Variants in STXBP3 observed in about 807,000 individuals in gnomAD.
STXBP3 encodes the protein syntaxin-binding protein 3.
Under a neutral mutation model 85.7 loss-of-function variants are expected in STXBP3, and 41 were observed. The ratio of observed to expected loss-of-function variants is 0.48; its 90% CI spans 0.37 to 0.62. The LOEUF (loss-of-function observed/expected upper bound fraction) is 0.62. Ranked by LOEUF, STXBP3 falls within the 20% of genes least tolerant of loss-of-function variation. STXBP3 has a pLI of 0.00. For missense variants in STXBP3, 563 were observed against 703.1 expected (o/e 0.80, Z 2.25); for synonymous variants, 229 against 231.7 (o/e 0.99, Z 0.10).
In STXBP3 at chr1:108,771,654, CTA is replaced by C. The variant is rs1222538258; in HGVS notation, c.439-1003_439-1002del. On this transcript the variant is annotated intron_variant, in intron 6 of 18. Coordinates refer to ENST00000370008, the MANE Select transcript of STXBP3 (RefSeq NM_007269.4). ...ATATATAAATATATATGATATATAT[CTA>C]TATATATCATATATAAATATATATG... 6.8e-3 allele frequency among the ~76,000 whole-genome samples: 29 copies of C among 4,266 alleles called. 6 individuals carry two copies. Among genetic ancestry groups the C allele is most frequent in the African/African-American group, 0.02 (20 of 982 alleles). 2.8% of individuals were successfully genotyped at this position (4,266 alleles called of 152,430 possible). A position where few individuals can be genotyped will look rare whatever the true frequency, so the allele number is the denominator to read the frequency against.
At chr1:108,772,492 G>GATAT (rs1662486859) in intron 6 of STXBP3, among the ~76,000 whole-genome samples, 173 bp from the exon 7 acceptor site, 3 of 142,490 alleles carry the variant, frequency 2.1e-5, no homozygotes, top group African/African-American at 7.8e-5. Context: ...ATAAATACAT[G>GATAT]ATATCTATCT....
chr1:108,756,389 G>A (rs1292030304), intron 3 of STXBP3, among the ~76,000 whole-genome samples: 2 of 151,786 alleles, frequency 1.3e-5, no homozygotes, highest in East Asian at 1.9e-4. Context: ...TACTTGCAAG[G>A]TTATTATGAA....
chr1:108,752,208 A>G (rs370711814), intron 1 of STXBP3, 49 bp from the exon 2 acceptor site: 3 of 1,552,982 alleles, frequency 1.9e-6, no homozygotes, highest in Admixed American at 3.6e-5. Flanking sequence ...TTGGATTACT[A>G]TGTTTCTGTT....
intron 7 of STXBP3, among the ~76,000 whole-genome samples, chr1:108,773,573 C>T (rs1400765989): frequency 1.3e-5 from 2 of 152,098 alleles, no homozygotes; most frequent in South Asian, 2.1e-4. Flanking sequence ...AGTTCAGGCT[C>T]ATTAGAAGGA....
At chr1:108,748,839 AAAAC>A (rs1189576427) in intron 1 of STXBP3, among the ~76,000 whole-genome samples, 3 of 152,200 alleles carry the variant, frequency 2.0e-5, no homozygotes, top group Non-Finnish European at 4.4e-5. Flanking sequence ...TCAAAAAACA[AAAAC>A]AAAAATTATT....
chr1:108,809,518 A>T lies in STXBP3; in HGVS notation c.*641A>T, dbSNP rs1182028592. The T allele has an allele frequency of 6.6e-6, 1 of 152,224 alleles. No homozygotes were observed. Among genetic ancestry groups the T allele is most frequent in the Admixed American group, 6.5e-5 (1 of 15,286 alleles). 9.4% of individuals were successfully genotyped at this position (152,224 alleles called of 1,614,324 possible). A position where few individuals can be genotyped will look rare whatever the true frequency, so the allele number is the denominator to read the frequency against. On this transcript the variant is annotated 3_prime_UTR_variant, in exon 19 of 19. Coordinates refer to ENST00000370008, the MANE Select transcript of STXBP3 (RefSeq NM_007269.4). The stretch of plus-strand genomic sequence containing the variant: ...CTAAGAGAAAATAAATATAGAATTT[A>T]AAAAATTATTCTGGTTTGTGTTTTC...
At position 108,782,292 on chromosome 1, in the gene STXBP3, C is replaced by A. The variant is rs146292268; in HGVS notation, c.810-130C>A. 4.5e-5 allele frequency: 29 copies of A among 644,870 alleles called. 1 individual carries two copies. In the East Asian group the frequency reaches 7.5e-4, roughly 17 times the overall value. The allele number at this position is 644,870 out of a possible 1,614,324, so 39.9% of individuals were successfully genotyped here. ...TTAGTTTTGAGTAGGTATTCATTAC[C>A]CCCCTAAAATAGTGGATTTTACTTT... is the stretch of plus-strand genomic sequence containing the variant. On this transcript the variant is annotated intron_variant, in intron 9 of 18. Coordinates refer to ENST00000370008, the MANE Select transcript of STXBP3 (RefSeq NM_007269.4).
intron 13 of STXBP3, 37 bp downstream of exon 13, chr1:108,794,944 A>C: frequency 6.5e-7 from 1 of 1,540,664 alleles, no homozygotes; most frequent in Non-Finnish European, 8.8e-7. Flanking sequence ...GTTCATAACA[A>C]ATTTCAAGGA....
At chr1:108,804,144 A>T (rs901026215) in intron 17 of STXBP3, among the ~76,000 whole-genome samples, 1 of 151,144 alleles carries the variant, frequency 6.6e-6, no homozygotes, top group South Asian at 2.1e-4. Context: ...CCACTTCTGT[A>T]GTCTTGGTTT....
Position 108,795,993 on chromosome 1 carries a change from G to T in STXBP3, c.1111-241G>T, listed in dbSNP as rs12079810. Among the ~76,000 whole-genome samples the T allele has an allele frequency of 2.4e-3, 359 of 152,248 alleles. 1 individual carries two copies. The highest frequency in any genetic ancestry group is 8.0e-3 in the African/African-American group (331 of 41,546). On this transcript the variant is annotated intron_variant, in intron 13 of 18. Transcript: ENST00000370008. ...TGAGTCTCCTGCCTCAGCCTCCCGA[G>T]TAGCTGGGATTATAGGCACCTGCCA...
chr1:108,770,568 G>C (rs1662369845), intron 6 of STXBP3, among the ~76,000 whole-genome samples: 2 of 152,128 alleles, frequency 1.3e-5, no homozygotes, highest in African/African-American at 4.8e-5. Context: ...TGCTGTTGGT[G>C]CTGGGTTATG....
At chr1:108,798,906 A>G (rs956875687) in intron 16 of STXBP3, among the ~76,000 whole-genome samples, 2 of 152,268 alleles carry the variant, frequency 1.3e-5, no homozygotes, top group African/African-American at 4.8e-5. Context: ...AAAGTATTAG[A>G]TGCCAATATT....
Position 108,809,193 on chromosome 1 carries a change from T to A in STXBP3, c.*316T>A. 5.6e-6 allele frequency: 1 copy of A among 177,186 alleles called. No homozygotes were observed. Among genetic ancestry groups the A allele is most frequent in the Non-Finnish European group, 1.2e-5 (1 of 85,274 alleles). 11.0% of individuals were successfully genotyped at this position (177,186 alleles called of 1,614,324 possible). A position where few individuals can be genotyped will look rare whatever the true frequency, so the allele number is the denominator to read the frequency against. ...CACCTATGTACATACTAATTACCCA[T>A]TGGATACTTATATCTAAAAGTCTCA... On this transcript the variant is annotated 3_prime_UTR_variant, in exon 19 of 19. Coordinates refer to ENST00000370008, the MANE Select transcript of STXBP3 (RefSeq NM_007269.4).
At chr1:108,763,714 T>C (rs6604122) in intron 6 of STXBP3, among the ~76,000 whole-genome samples, 106,783 of 151,546 alleles carry the variant, frequency 0.7, 38,618 homozygotes, top group Non-Finnish European at 0.77. Context: ...TAGCTGGGAT[T>C]ACAGGCATGT....
intron 7 of STXBP3, 26 bp downstream of exon 7, chr1:108,772,845 T>C (rs748300407): frequency 2.6e-6 from 4 of 1,543,516 alleles, no homozygotes; most frequent in South Asian, 1.2e-5. Flanking sequence ...TCTGCACATG[T>C]TATGCTTCCT....
chr1:108,798,153 A>C lies in STXBP3; in HGVS notation c.1365A>C (p.Gln455His), dbSNP rs1383291512. ...LGVPIVPQSQ[Q>H]GKPLRKDRSA... is the part of the protein sequence containing the mutation. Reference sequence around the variant, plus strand: ...TCCTCTAATTGTATTAGTCTCAACAAGGCAAACCGTTAAGAAAGGATCGGT... The same window carrying C: ...TCCTCTAATTGTATTAGTCTCAACACGGCAAACCGTTAAGAAAGGATCGGT... The change falls in exon 16 of 19, where the codon CAA becomes CAC. Residue 455 changes from glutamine to histidine, a missense_variant. By Grantham distance (24) the Gln-to-His change is conservative. Transcript: ENST00000370008. 1 of 1,609,424 alleles carries C rather than the reference A, an allele frequency of 6.2e-7. No individual in the cohort carries two copies. Among genetic ancestry groups the C allele is most frequent in the Non-Finnish European group, 8.5e-7 (1 of 1,178,430 alleles).
At chr1:108,762,522 A>AAAC (rs58199647) in intron 6 of STXBP3, among the ~76,000 whole-genome samples, 116,879 of 151,582 alleles carry the variant, frequency 0.77, 46,545 homozygotes, top group African/African-American at 0.9. Context: ...TGTTATTTTA[A>AAAC]AACATTATAA....
rs185713197 is a variant in STXBP3, at chr1:108,798,452, A to G, written c.1449+215A>G. On this transcript the variant is annotated intron_variant, in intron 16 of 18. Transcript: ENST00000370008. ...TCTTTTTGAGACAGAGTGTCACTCT[A>G]TCACCCAGGCTGGAGTGCAGTGGCA... Among the ~76,000 whole-genome samples the G allele has an allele frequency of 3.5e-3, 440 of 127,040 alleles. 1 individual carries two copies. Among genetic ancestry groups the G allele is most frequent in the African/African-American group, 0.013 (430 of 33,116 alleles). The allele number at this position is 127,040 out of a possible 152,430, so 83.3% of individuals were successfully genotyped here.
At chr1:108,754,354 T>C (rs1661975293) in intron 3 of STXBP3, among the ~76,000 whole-genome samples, 1 of 152,168 alleles carries the variant, frequency 6.6e-6, no homozygotes, top group African/African-American at 2.4e-5. Flanking sequence ...ACCTTTATTG[T>C]TTATTACATA....
Sources: allele counts gnomAD v4.1 joint callset (sites outside exome capture counted in the v4.1 genomes callset), GRCh38; gene constraint gnomAD v4.1.1; transcripts MANE v1.5; gene names NCBI Gene and HGNC (gene_info 2026-07-23, HGNC 2026-07-21).